Variants in PCDH9 observed in about 807,000 individuals in gnomAD.
PCDH9 encodes the protein protocadherin-9.
PCDH9 carries 24 observed loss-of-function variants against 70.6 expected under a neutral mutation model. The observed-to-expected ratio is 0.34, with a 90% CI of 0.25 to 0.48. The LOEUF (loss-of-function observed/expected upper bound fraction) is 0.48. Ranked by LOEUF, PCDH9 falls within the 20% of genes least tolerant of loss-of-function variation. The pLI is 0.99. For synonymous variants in PCDH9, 562 were observed against 558.5 expected (o/e 1.01, Z -0.09); for missense variants, 1,281 against 1,503.6 (o/e 0.85, Z 2.45).
chr13:66,804,233 C>A (rs913783252), intron 3 of PCDH9, among the ~76,000 whole-genome samples: 1 of 152,152 alleles, frequency 6.6e-6, no homozygotes, highest in Non-Finnish European at 1.5e-5. Context: ...TCAAATAATT[C>A]AGCTGTAAAC....
chr13:66,967,066 A>G (rs2083444145), intron 2 of PCDH9, among the ~76,000 whole-genome samples: 1 of 152,090 alleles, frequency 6.6e-6, no homozygotes, highest in Non-Finnish European at 1.5e-5. Context: ...GACTATGCCA[A>G]GGTAGCTCCC....
At chr13:67,229,025 C>T (rs2089950429) in intron 1 of PCDH9, among the ~76,000 whole-genome samples, 1 of 152,194 alleles carries the variant, frequency 6.6e-6, no homozygotes, top group Non-Finnish European at 1.5e-5. Flanking sequence ...ACTGAGTCAC[C>T]TATCTTTTCT....
intron 2 of PCDH9, among the ~76,000 whole-genome samples, chr13:67,033,595 C>T (rs1410301587): frequency 6.6e-6 from 1 of 152,080 alleles, no homozygotes; most frequent in African/African-American, 2.4e-5. Flanking sequence ...ATGATGGGTG[C>T]TGTGGCAGGC....
At chr13:67,003,775 A>G (rs1005934608) in intron 2 of PCDH9, among the ~76,000 whole-genome samples, 1 of 152,214 alleles carries the variant, frequency 6.6e-6, no homozygotes, top group African/African-American at 2.4e-5. Context: ...TAACTACAAA[A>G]TTAAATAACG....
intron 2 of PCDH9, among the ~76,000 whole-genome samples, chr13:67,155,409 A>G (rs2087784953): frequency 1.3e-5 from 2 of 152,234 alleles, no homozygotes; most frequent in African/African-American, 4.8e-5. Flanking sequence ...TTCCATAAGC[A>G]TGGGAAGATT....
chr13:66,680,649 G>A (rs922545201), intron 3 of PCDH9, among the ~76,000 whole-genome samples: 8 of 151,608 alleles, frequency 5.3e-5, no homozygotes, highest in Admixed American at 6.6e-5. Flanking sequence ...TTCCTGTTTC[G>A]ATTAATGGCA....
At chr13:66,512,753 T>C (rs913260503) in intron 4 of PCDH9, among the ~76,000 whole-genome samples, 1 of 152,206 alleles carries the variant, frequency 6.6e-6, no homozygotes, top group Non-Finnish European at 1.5e-5. Context: ...GTAGAACTAT[T>C]AACTCTAGCA....
At chr13:66,807,668 A>G (rs960103573) in intron 3 of PCDH9, among the ~76,000 whole-genome samples, 1 of 152,172 alleles carries the variant, frequency 6.6e-6, no homozygotes, top group African/African-American at 2.4e-5. Context: ...TATTAATATA[A>G]TTTTTGAATA....
intron 4 of PCDH9, among the ~76,000 whole-genome samples, chr13:66,500,287 A>G: frequency 6.6e-6 from 1 of 152,172 alleles, no homozygotes; most frequent in East Asian, 1.9e-4. Context: ...TACATATTTA[A>G]AGAAAATAAA....
At chr13:66,555,950 TAA>T (rs1491487502) in intron 4 of PCDH9, among the ~76,000 whole-genome samples, 1 of 148,220 alleles carries the variant, frequency 6.7e-6, no homozygotes, top group East Asian at 1.9e-4. Flanking sequence ...ATTATATATA[TAA>T]GATATATACA....
At chr13:66,582,371 G>C (rs1372492038) in intron 4 of PCDH9, among the ~76,000 whole-genome samples, 2 of 152,082 alleles carry the variant, frequency 1.3e-5, no homozygotes, top group African/African-American at 4.8e-5. Flanking sequence ...GGGCATGGTG[G>C]CCTGTAATCC....
At chr13:67,113,293 C>T (rs1289754809) in intron 2 of PCDH9, among the ~76,000 whole-genome samples, 1 of 152,042 alleles carries the variant, frequency 6.6e-6, no homozygotes, top group Non-Finnish European at 1.5e-5. Flanking sequence ...ACAAAACCCA[C>T]AAAAAATATT....
intron 2 of PCDH9, among the ~76,000 whole-genome samples, chr13:67,033,936 A>G (rs2084957556): frequency 6.6e-6 from 1 of 152,160 alleles, no homozygotes. Flanking sequence ...ATTCTTTTAT[A>G]AGAAAATCAC....
chr13:66,895,222 A>C lies in PCDH9; in HGVS notation c.3138+8282T>G, dbSNP rs555744393. Among the ~76,000 whole-genome samples, 3 of 152,322 alleles carry C rather than the reference A, an allele frequency of 2.0e-5. No individual in the cohort carries two copies. The South Asian group carries it at 6.2e-4, about 32-fold the overall frequency. ...AATATTTATTTAATTTGATTTGTCA[A>C]TGTGTACTTCTAACCATAGGTACTT... On this transcript the variant is annotated intron_variant, in intron 3 of 4. Coordinates refer to ENST00000377865, the MANE Select transcript of PCDH9 (RefSeq NM_203487.3).
chr13:66,508,301 T>G (rs1475640557), intron 4 of PCDH9, among the ~76,000 whole-genome samples: 1 of 152,138 alleles, frequency 6.6e-6, no homozygotes, highest in East Asian at 1.9e-4. Flanking sequence ...AGGATTTCAC[T>G]TGGGGTGACA....
At position 67,090,482 on chromosome 13, in the gene PCDH9, T is replaced by C. The variant is rs192520005; in HGVS notation, c.3036+134923A>G. Reference sequence around the variant, plus strand: ...GTATTGTACCTAAAAATAAAGATGGTGTTTTTTTCTTCATTTAGGGCTTAC... The same window carrying C: ...GTATTGTACCTAAAAATAAAGATGGCGTTTTTTTCTTCATTTAGGGCTTAC... On this transcript the variant is annotated intron_variant, in intron 2 of 4. Coordinates refer to ENST00000377865, the MANE Select transcript of PCDH9 (RefSeq NM_203487.3). Among the ~76,000 whole-genome samples, 13 of 152,142 alleles carry C rather than the reference T, an allele frequency of 8.5e-5. No homozygotes were observed. The East Asian group carries it at 2.5e-3, about 29-fold the overall frequency.
At chr13:66,701,269 A>G (rs1277675126) in intron 3 of PCDH9, among the ~76,000 whole-genome samples, 3 of 150,848 alleles carry the variant, frequency 2.0e-5, no homozygotes, top group Admixed American at 1.3e-4. Flanking sequence ...GTTTTTGTGT[A>G]TATATATATA....
intron 2 of PCDH9, chr13:67,207,270 T>G (rs1233936119): frequency 6.6e-6 from 1 of 152,194 alleles, no homozygotes; most frequent in Non-Finnish European, 1.5e-5. Context: ...GTTTATGTTT[T>G]GTATAAAAGT....
At chr13:66,606,585 GCATATTGTTGC>G (rs2077225353) in intron 4 of PCDH9, among the ~76,000 whole-genome samples, 1 of 152,014 alleles carries the variant, frequency 6.6e-6, no homozygotes, top group South Asian at 2.1e-4. Flanking sequence ...TTTCCACTAG[GCATATTGTTGC>G]CAGACACAAT....
Sources: allele counts gnomAD v4.1 joint callset (sites outside exome capture counted in the v4.1 genomes callset), GRCh38; gene constraint gnomAD v4.1.1; transcripts MANE v1.5; gene names NCBI Gene and HGNC (gene_info 2026-07-23, HGNC 2026-07-21).